HDAC9: variants seen among roughly 807,000 people sequenced by gnomAD.
HDAC9 encodes histone deacetylase 9.
HDAC9 carries 41 observed loss-of-function variants against 139.4 expected under a neutral mutation model. The observed-to-expected ratio is 0.29, with a 90% CI of 0.23 to 0.38. HDAC9 has a LOEUF of 0.38. Among genes scored for constraint, HDAC9 ranks in the 10% least tolerant of loss-of-function variants. The pLI is 1.00. For missense variants in HDAC9, 1,147 were observed against 1,297.0 expected (o/e 0.88, Z 1.78); for synonymous variants, 517 against 476.2 (o/e 1.09, Z -1.12).
intron 1 of HDAC9, among the ~76,000 whole-genome samples, chr7:18,439,432 A>C (rs1296463853): frequency 6.6e-6 from 1 of 152,176 alleles, no homozygotes; most frequent in Admixed American, 6.5e-5. Flanking sequence ...CAGTCTTGTT[A>C]CAGTCTCTCA....
chr7:18,613,844 T>G lies in HDAC9; in HGVS notation c.665-15506T>G, dbSNP rs113957330. Reference sequence around the variant, plus strand: ...TCAGGCTTCCTTTTTCTCTGTGGCTTTTGACCCCATTGTCCAACCCATGCT... The same window carrying G: ...TCAGGCTTCCTTTTTCTCTGTGGCTGTTGACCCCATTGTCCAACCCATGCT... On this transcript the variant is annotated intron_variant, in intron 6 of 25. Coordinates refer to ENST00000686413, the MANE Select transcript of HDAC9 (RefSeq NM_178425.4). Among the ~76,000 whole-genome samples, 1,209 of 152,176 alleles carry G rather than the reference T, an allele frequency of 7.9e-3. 13 individuals carry two copies. Among genetic ancestry groups the G allele is most frequent in the African/African-American group, 0.028 (1,146 of 41,518 alleles).
intron 17 of HDAC9, among the ~76,000 whole-genome samples, chr7:18,794,900 T>G (rs771583751): frequency 3.9e-5 from 6 of 152,220 alleles, no homozygotes; most frequent in Non-Finnish European, 1.5e-5. Context: ...TATGTTAGCT[T>G]TCACAATTTC....
At chr7:18,981,064 T>A (rs1308889704) in intron 25 of HDAC9, among the ~76,000 whole-genome samples, 1 of 152,064 alleles carries the variant, frequency 6.6e-6, no homozygotes, top group Non-Finnish European at 1.5e-5. Context: ...GACCTCATGA[T>A]CAGCCCACTT....
chr7:18,140,784 A>C (rs538211607), intron 1 of HDAC9, among the ~76,000 whole-genome samples: 2 of 152,192 alleles, frequency 1.3e-5, no homozygotes, highest in East Asian at 3.9e-4. Context: ...ATATATATAT[A>C]TATTCTGTTT....
intron 25 of HDAC9, among the ~76,000 whole-genome samples, chr7:18,986,436 G>A (rs1229131746): frequency 5.6e-5 from 5 of 89,088 alleles, no homozygotes; most frequent in African/African-American, 2.1e-4. Flanking sequence ...CTATATCTCT[G>A]TTTTGGTACC....
chr7:18,221,502 T>G (rs1351401548), intron 2 of HDAC9, among the ~76,000 whole-genome samples: 1 of 152,192 alleles, frequency 6.6e-6, no homozygotes, highest in Non-Finnish European at 1.5e-5. Flanking sequence ...CATGTTAGTC[T>G]CAGCATCCCA....
chr7:18,485,378 G>A (rs958265675), intron 1 of HDAC9, among the ~76,000 whole-genome samples: 13 of 151,666 alleles, frequency 8.6e-5, no homozygotes, highest in Non-Finnish European at 1.5e-4. Flanking sequence ...TGAATGGTTT[G>A]TTTAGCAGCC....
intron 22 of HDAC9, among the ~76,000 whole-genome samples, chr7:18,905,562 C>T (rs1802158358): frequency 6.6e-6 from 1 of 152,020 alleles, no homozygotes; most frequent in South Asian, 2.1e-4. Flanking sequence ...CTCAACAGTG[C>T]CATTTTTACA....
intron 25 of HDAC9, among the ~76,000 whole-genome samples, chr7:18,989,659 G>C (rs1785695710): frequency 6.6e-6 from 1 of 150,832 alleles, no homozygotes; most frequent in African/African-American, 2.5e-5. Flanking sequence ...TTTCCAACTT[G>C]ATTCCATTCT....
intron 2 of HDAC9, among the ~76,000 whole-genome samples, chr7:18,270,292 A>G (rs1796273114): frequency 2.7e-5 from 2 of 73,438 alleles, no homozygotes; most frequent in African/African-American, 8.2e-5. Flanking sequence ...GTTTGTAGAA[A>G]TTAAACAAAA....
At chr7:18,402,895 C>T (rs1462400331) in intron 1 of HDAC9, among the ~76,000 whole-genome samples, 1 of 151,996 alleles carries the variant, frequency 6.6e-6, no homozygotes, top group East Asian at 1.9e-4. Flanking sequence ...AAAAAAAATC[C>T]ACAGGAAATC....
At chr7:18,550,010 A>G (rs1391650653) in intron 2 of HDAC9, among the ~76,000 whole-genome samples, 4 of 150,856 alleles carry the variant, frequency 2.7e-5, no homozygotes, top group Non-Finnish European at 5.9e-5. Flanking sequence ...CATTTTTTGG[A>G]AAGGCATTCT....
At chr7:18,991,807 C>A (rs1376301734) in intron 25 of HDAC9, among the ~76,000 whole-genome samples, 2 of 152,036 alleles carry the variant, frequency 1.3e-5, no homozygotes, top group East Asian at 3.9e-4. Context: ...ATTTGAATAA[C>A]AAGAAGGTAT....
chr7:18,788,440 G>A (rs771619244), intron 16 of HDAC9, among the ~76,000 whole-genome samples: 1 of 152,098 alleles, frequency 6.6e-6, no homozygotes, highest in Non-Finnish European at 1.5e-5. Context: ...CCACAGTTTA[G>A]TGTAGACATG....
intron 1 of HDAC9, among the ~76,000 whole-genome samples, chr7:18,155,003 C>T (rs1392580497): frequency 6.6e-6 from 1 of 152,074 alleles, no homozygotes; most frequent in Non-Finnish European, 1.5e-5. Flanking sequence ...TTCACTTCGA[C>T]TATTACTTCC....
intron 1 of HDAC9, among the ~76,000 whole-genome samples, chr7:18,373,395 C>A (rs34886439): frequency 0.049 from 7,506 of 152,158 alleles, 253 homozygotes; most frequent in East Asian, 0.11. Flanking sequence ...AAGTATCCTT[C>A]ATTTATTCAT....
intron 1 of HDAC9, among the ~76,000 whole-genome samples, chr7:18,112,345 ATTG>A (rs1216442678): frequency 1.1e-4 from 16 of 152,208 alleles, no homozygotes; most frequent in Non-Finnish European, 2.2e-4. Flanking sequence ...TGATAGAGAA[ATTG>A]TTAAGAATGC....
At chr7:18,466,235 T>C (rs1051360049) in intron 1 of HDAC9, among the ~76,000 whole-genome samples, 12 of 152,178 alleles carry the variant, frequency 7.9e-5, no homozygotes, top group African/African-American at 2.9e-4. Context: ...TTCACTCTCT[T>C]GCCCAGGCTA....
intron 1 of HDAC9, among the ~76,000 whole-genome samples, chr7:18,133,408 T>C (rs898840224): frequency 2.0e-5 from 3 of 152,158 alleles, no homozygotes; most frequent in African/African-American, 7.2e-5. Flanking sequence ...AGAAGACTTG[T>C]CAAATATCCA....
Sources: allele counts gnomAD v4.1 joint callset (sites outside exome capture counted in the v4.1 genomes callset), GRCh38; gene constraint gnomAD v4.1.1; transcripts MANE v1.5; gene names NCBI Gene and HGNC (gene_info 2026-07-23, HGNC 2026-07-21).